Variants in CTNNA2 observed in about 807,000 individuals in gnomAD.
The protein encoded by CTNNA2 is catenin alpha 2.
In CTNNA2, 42 loss-of-function variants were observed where a neutral mutation model predicts 101.0. The ratio of observed to expected loss-of-function variants is 0.42; its 90% CI spans 0.32 to 0.54. The LOEUF (loss-of-function observed/expected upper bound fraction) is 0.54, where lower values mean the gene tolerates loss of function less well. Among genes scored for constraint, CTNNA2 ranks in the 20% least tolerant of loss-of-function variants. CTNNA2 has a pLI of 0.14. For missense variants in CTNNA2, 871 were observed against 1,223.1 expected, an observed-to-expected ratio of 0.71 and a Z score of 4.29; for synonymous variants, 450 against 456.4, an observed-to-expected ratio of 0.99 and a Z score of 0.18.
intron 7 of CTNNA2, among the ~76,000 whole-genome samples, chr2:80,003,243 T>A (rs1693087807): frequency 6.6e-6 from 1 of 152,222 alleles, no homozygotes; most frequent in South Asian, 2.1e-4. Flanking sequence ...AGGATTCATC[T>A]TTACCATTGT....
At position 79,642,517 on chromosome 2, in the gene CTNNA2, C is replaced by T. The variant is rs982684815; in HGVS notation, c.-5-9035C>T. Reference sequence around the variant, plus strand: ...AATAGTGATGGGTGATACACTACCTCGTTATAGTCAAAGTTAGGGGAAATG... The same window carrying T: ...AATAGTGATGGGTGATACACTACCTTGTTATAGTCAAAGTTAGGGGAAATG... On this transcript the variant is annotated intron_variant, in intron 1 of 18. Coordinates refer to ENST00000402739, the MANE Select transcript of CTNNA2 (RefSeq NM_001282597.3). Among the ~76,000 whole-genome samples, 8 of 152,078 alleles carry T rather than the reference C, an allele frequency of 5.3e-5. No homozygotes were observed. In the East Asian group the frequency reaches 5.8e-4, roughly 11 times the overall value.
At chr2:80,291,387 T>G (rs1171273709) in intron 7 of CTNNA2, among the ~76,000 whole-genome samples, 1 of 152,242 alleles carries the variant, frequency 6.6e-6, no homozygotes, top group Non-Finnish European at 1.5e-5. Flanking sequence ...GGAACCAACT[T>G]GCTCAAGGGC....
rs183169542 is a variant in CTNNA2, at chr2:80,305,193, C to A, written c.1057-88018C>A. The A allele has an allele frequency of 1.4e-4, 141 of 985,376 alleles. No homozygotes were observed. The African/African-American group carries it at 2.2e-3, about 15-fold the overall frequency. The allele number at this position is 985,376 out of a possible 1,614,324, so 61.0% of individuals were successfully genotyped here. On this transcript the variant is annotated intron_variant, in intron 7 of 18. Transcript: ENST00000402739. ...CTAAGATTTTTGGGGTTTTTTCCCC[C>A]TCTTGCGGGTACTGGAATTCTGCAG...
At chr2:79,982,230 A>ATATATATATATATATATATG in intron 7 of CTNNA2, among the ~76,000 whole-genome samples, 1 of 96,446 alleles carries the variant, frequency 1.0e-5, no homozygotes, top group East Asian at 3.7e-4. Context: ...ATATATATAT[A>ATATATATATATATATATATG]TATATATATA....
chr2:79,690,913 T>G (rs1684252464), intron 2 of CTNNA2, among the ~76,000 whole-genome samples: 1 of 151,798 alleles, frequency 6.6e-6, no homozygotes, highest in Admixed American at 6.6e-5. Flanking sequence ...TTATTTTGTT[T>G]TTATTTGCAT....
intron 7 of CTNNA2, among the ~76,000 whole-genome samples, chr2:79,957,071 A>G (rs533947479): frequency 0.026 from 4,015 of 152,094 alleles, 87 homozygotes; most frequent in Middle Eastern, 0.065. Context: ...AGTGATAGAG[A>G]AGCCCCTGAG....
chr2:79,802,131 A>G (rs1261401892), intron 3 of CTNNA2, among the ~76,000 whole-genome samples: 2 of 152,152 alleles, frequency 1.3e-5, no homozygotes, highest in African/African-American at 4.8e-5. Flanking sequence ...GCATCCTAGG[A>G]GAAATTGCAT....
chr2:79,208,416 A>C (rs1572979019), intron 2 of CTNNA2, among the ~76,000 whole-genome samples: 1 of 152,336 alleles, frequency 6.6e-6, no homozygotes, highest in East Asian at 1.9e-4. Context: ...TCATTAGAAC[A>C]ATTGTTTTTC....
At chr2:80,479,571 G>T (rs1029775228) in intron 9 of CTNNA2, among the ~76,000 whole-genome samples, 2 of 152,058 alleles carry the variant, frequency 1.3e-5, no homozygotes, top group Admixed American at 1.3e-4. Flanking sequence ...ATATAAGATG[G>T]GTTACACTTA....
intron 12 of CTNNA2, among the ~76,000 whole-genome samples, chr2:80,565,193 CT>C (rs1693948877): frequency 6.6e-6 from 1 of 152,082 alleles, no homozygotes; most frequent in African/African-American, 2.4e-5. Context: ...GAAGTTACTA[CT>C]TTGTTGGTAA....
At chr2:80,578,019 T>C (rs216618) in intron 13 of CTNNA2, among the ~76,000 whole-genome samples, 17,117 of 152,248 alleles carry the variant, frequency 0.11, 958 homozygotes, top group Middle Eastern at 0.17. Context: ...TCACTTTGTT[T>C]CTCTATAGAG....
intron 18 of CTNNA2, among the ~76,000 whole-genome samples, chr2:80,621,754 T>C (rs1330463035): frequency 1.5e-5 from 2 of 132,092 alleles, no homozygotes; most frequent in African/African-American, 2.5e-5. Context: ...CTATGTACTA[T>C]GGGGGATAAA....
intron 1 of CTNNA2, among the ~76,000 whole-genome samples, chr2:79,554,066 C>T (rs1674288634): frequency 6.6e-6 from 1 of 152,158 alleles, no homozygotes; most frequent in African/African-American, 2.4e-5. Flanking sequence ...AGGGTTACAT[C>T]TGATCTGCTG....
At chr2:80,505,339 C>T (rs888895645) in intron 9 of CTNNA2, among the ~76,000 whole-genome samples, 2 of 152,206 alleles carry the variant, frequency 1.3e-5, no homozygotes, top group East Asian at 3.8e-4. Flanking sequence ...TTTCTCTTCT[C>T]ACATCAGGGG....
At chr2:79,752,348 G>GATT (rs1301850434) in intron 3 of CTNNA2, among the ~76,000 whole-genome samples, 1 of 152,200 alleles carries the variant, frequency 6.6e-6, no homozygotes, top group Non-Finnish European at 1.5e-5. Context: ...CTAGACTCTA[G>GATT]AATGTTGTTG....
intron 2 of CTNNA2, among the ~76,000 whole-genome samples, chr2:79,742,183 A>G (rs928453962): frequency 6.6e-6 from 1 of 152,242 alleles, no homozygotes. Flanking sequence ...GTAATGCACC[A>G]TGACATACAG....
At chr2:80,627,131 T>G (rs939981087) in intron 18 of CTNNA2, among the ~76,000 whole-genome samples, 1 of 152,180 alleles carries the variant, frequency 6.6e-6, no homozygotes, top group Non-Finnish European at 1.5e-5. Context: ...GCATTTGGGT[T>G]GGTTCCAAGT....
intron 17 of CTNNA2, among the ~76,000 whole-genome samples, chr2:80,615,983 C>T (rs1364715893): frequency 6.6e-6 from 1 of 151,682 alleles, no homozygotes; most frequent in Non-Finnish European, 1.5e-5. Flanking sequence ...TGAAGGCAAG[C>T]TTTCTTAATT....
At chr2:80,544,839 T>C in intron 9 of CTNNA2, 143 bp from the exon 10 acceptor site, 1 of 647,916 alleles carries the variant, frequency 1.5e-6, no homozygotes, top group Non-Finnish European at 2.6e-6. Context: ...TAGTTGGTTC[T>C]ACATGAAGGC....
Sources: allele counts gnomAD v4.1 joint callset (sites outside exome capture counted in the v4.1 genomes callset), GRCh38; gene constraint gnomAD v4.1.1; transcripts MANE v1.5; gene names NCBI Gene and HGNC (gene_info 2026-07-23, HGNC 2026-07-21).